The following SENP7 variants were observed in gnomAD, a reference collection of about 807,000 sequenced individuals.
The protein encoded by SENP7 is SUMO specific peptidase 7, also known as sentrin-specific protease 7.
Under a neutral mutation model 141.2 loss-of-function variants are expected in SENP7, and 64 were observed. The ratio of observed to expected loss-of-function variants is 0.45; its 90% CI spans 0.37 to 0.56. SENP7 has a LOEUF of 0.56. Ranked by LOEUF, SENP7 falls within the 20% of genes least tolerant of loss-of-function variation. The pLI is 0.00. For synonymous variants in SENP7, 382 were observed against 426.4 expected (o/e 0.90, Z 1.28); for missense variants, 1,025 against 1,212.2 (o/e 0.85, Z 2.29).
chr3:101,467,185 T>A (rs1363231288), intron 3 of SENP7, among the ~76,000 whole-genome samples: 1 of 152,168 alleles, frequency 6.6e-6, no homozygotes, highest in Non-Finnish European at 1.5e-5. Context: ...GCCGGGCAGC[T>A]AGAACAGGGC....
chr3:101,386,891 C>T (rs1175641884), intron 6 of SENP7, among the ~76,000 whole-genome samples: 1 of 152,232 alleles, frequency 6.6e-6, no homozygotes, highest in Non-Finnish European at 1.5e-5. Flanking sequence ...TAAGTGTCTC[C>T]TACCTGTTGC....
chr3:101,502,621 A>G (rs1288713283), intron 1 of SENP7, among the ~76,000 whole-genome samples: 1 of 137,342 alleles, frequency 7.3e-6, no homozygotes, highest in Non-Finnish European at 1.5e-5. Flanking sequence ...AAGAAAAAAG[A>G]AAAAAAAAAA....
At chr3:101,339,312 T>C (rs2059269210) in intron 16 of SENP7, among the ~76,000 whole-genome samples, 1 of 152,170 alleles carries the variant, frequency 6.6e-6, no homozygotes, top group Admixed American at 6.5e-5. Flanking sequence ...CTCCATCAAC[T>C]GTTGGGAATC....
intron 11 of SENP7, 102 bp downstream of exon 11, chr3:101,361,613 A>G (rs2059904119): frequency 8.2e-6 from 10 of 1,220,934 alleles, no homozygotes; most frequent in Non-Finnish European, 1.1e-5. Flanking sequence ...TATAAAATAA[A>G]TCTTAATTCT....
intron 4 of SENP7, among the ~76,000 whole-genome samples, chr3:101,420,351 G>C (rs2061753533): frequency 6.7e-6 from 1 of 148,694 alleles, no homozygotes; most frequent in Non-Finnish European, 1.5e-5. Flanking sequence ...CTGGGCGACA[G>C]AGCGAGACTC....
At chr3:101,326,835 CA>C (rs1286741813) in intron 23 of SENP7, among the ~76,000 whole-genome samples, 1 of 152,226 alleles carries the variant, frequency 6.6e-6, no homozygotes, top group East Asian at 1.9e-4. Flanking sequence ...TTATACCTTT[CA>C]AACAGTAAAT....
intron 4 of SENP7, 104 bp from the exon 5 acceptor site, chr3:101,417,894 AAGCAACTAT>A (rs1327723379): frequency 2.3e-6 from 2 of 884,966 alleles, no homozygotes; most frequent in African/African-American, 3.4e-5. Context: ...TCAGTTCCTC[AAGCAACTAT>A]AGTAAATACC....
intron 3 of SENP7, among the ~76,000 whole-genome samples, chr3:101,459,394 T>C (rs2063474026): frequency 6.6e-6 from 1 of 152,162 alleles, no homozygotes. Context: ...GATTCTAAAG[T>C]AACTGTACTT....
chr3:101,495,777 G>C (rs2065138161), intron 2 of SENP7, among the ~76,000 whole-genome samples: 1 of 152,212 alleles, frequency 6.6e-6, no homozygotes, highest in Admixed American at 6.5e-5. Context: ...AGGAAGAATA[G>C]CTAATGGATG....
intron 6 of SENP7, among the ~76,000 whole-genome samples, chr3:101,380,438 C>T (rs959775534): frequency 1.0e-5 from 1 of 96,470 alleles, no homozygotes; most frequent in Admixed American, 1.3e-4. Flanking sequence ...AACCACCGCC[C>T]CCCCCCCCAC....
chr3:101,466,904 G>T (rs1215410816), intron 3 of SENP7, among the ~76,000 whole-genome samples: 1 of 152,208 alleles, frequency 6.6e-6, no homozygotes, highest in East Asian at 1.9e-4. Context: ...GGAAGTGCAA[G>T]GAGTCAGGGG....
chr3:101,354,313 T>C (rs1020626229), intron 11 of SENP7, among the ~76,000 whole-genome samples: 1 of 152,094 alleles, frequency 6.6e-6, no homozygotes, highest in African/African-American at 2.4e-5. Context: ...CTGCTATACA[T>C]GTAAACCTGT....
chr3:101,355,668 T>C, intron 11 of SENP7, among the ~76,000 whole-genome samples: 1 of 152,214 alleles, frequency 6.6e-6, no homozygotes, highest in East Asian at 1.9e-4. Context: ...TTGTTCCTTT[T>C]GCTTAGGATT....
Position 101,381,685 on chromosome 3 carries a change from A to G in SENP7, c.678-9559T>C, listed in dbSNP as rs370168949. Among the ~76,000 whole-genome samples, 7 of 152,220 alleles carry G rather than the reference A, an allele frequency of 4.6e-5. No individual in the cohort carries two copies. In the East Asian group the frequency reaches 1.3e-3, roughly 29 times the overall value. On this transcript the variant is annotated intron_variant, in intron 6 of 23. Transcript: ENST00000394095. ...TGTTCAAGAGTTAACCGTGCAAATG[A>G]GTATCATTATTAGTAATTTTATTCA...
chr3:101,346,957 G>C (rs1411672229), intron 13 of SENP7, among the ~76,000 whole-genome samples: 1 of 150,232 alleles, frequency 6.7e-6, no homozygotes, highest in African/African-American at 2.5e-5. Context: ...AGGAGGAGGA[G>C]GGAGGAGGAA....
intron 4 of SENP7, among the ~76,000 whole-genome samples, chr3:101,431,783 C>CA (rs5851272): frequency 0.4 from 60,062 of 151,380 alleles, 12,426 homozygotes; most frequent in Admixed American, 0.54. Flanking sequence ...GACTTCGTCT[C>CA]AAAAAAAATC....
intron 4 of SENP7, among the ~76,000 whole-genome samples, chr3:101,426,832 C>T (rs1196870279): frequency 2.0e-5 from 3 of 152,074 alleles, no homozygotes; most frequent in Non-Finnish European, 4.4e-5. Flanking sequence ...GATTACCACA[C>T]GACCTGCCTT....
Position 101,337,550 on chromosome 3 carries a change from T to G in SENP7, c.2439A>C (p.Thr813=). 6.4e-7 allele frequency: 1 copy of G among 1,573,456 alleles called. No homozygotes were observed. The highest frequency in any genetic ancestry group is 1.1e-5 in the South Asian group (1 of 88,832). ...IFSSFFYKCL[T]RKENNLTEDN... ...CTTCTGTTAAATTATTTTCCTTTCT[T>G]GTCAAGCATTTATAGAAAAAGCTAC... The change falls in exon 17 of 24, where the codon ACA becomes ACC. Residue 813 remains threonine, a synonymous_variant. Coordinates refer to ENST00000394095, the MANE Select transcript of SENP7 (RefSeq NM_020654.5).
At chr3:101,348,998 G>C (rs1439172245) in intron 12 of SENP7, among the ~76,000 whole-genome samples, 1 of 152,246 alleles carries the variant, frequency 6.6e-6, no homozygotes, top group African/African-American at 2.4e-5. Context: ...AGCTGAGCTT[G>C]TGACATTAGT....
Sources: allele counts gnomAD v4.1 joint callset (sites outside exome capture counted in the v4.1 genomes callset), GRCh38; gene constraint gnomAD v4.1.1; transcripts MANE v1.5; gene names NCBI Gene and HGNC (gene_info 2026-07-23, HGNC 2026-07-21).